The following HACE1 variants were observed in gnomAD, a reference collection of about 807,000 sequenced individuals.
HACE1 encodes the protein HECT domain and ankyrin repeat containing E3 ubiquitin protein ligase 1, also known as E3 ubiquitin-protein ligase HACE1.
HACE1 carries 73 observed loss-of-function variants against 118.4 expected under a neutral mutation model. The ratio of observed to expected loss-of-function variants is 0.62; its 90% CI spans 0.51 to 0.75. The LOEUF (loss-of-function observed/expected upper bound fraction) is 0.75. Among genes scored for constraint, HACE1 ranks in the 30% least tolerant of loss-of-function variants. The pLI is 0.00. For missense variants in HACE1, 749 were observed against 1,102.2 expected (o/e 0.68, Z 4.54); for synonymous variants, 368 against 374.8 (o/e 0.98, Z 0.21).
intron 7 of HACE1, among the ~76,000 whole-genome samples, chr6:104,806,566 G>A (rs1461073709): frequency 6.6e-6 from 1 of 152,126 alleles, no homozygotes; most frequent in Admixed American, 6.6e-5. Flanking sequence ...GGGCTCAAGT[G>A]CCTCACCTGT....
At chr6:104,812,439 C>T (rs1771726209) in intron 6 of HACE1, among the ~76,000 whole-genome samples, 1 of 151,874 alleles carries the variant, frequency 6.6e-6, no homozygotes, top group Non-Finnish European at 1.5e-5. Context: ...AGAAAGACCC[C>T]ATGCCTTAAA....
chr6:104,774,886 T>C (rs894985392), intron 17 of HACE1, among the ~76,000 whole-genome samples: 1 of 152,236 alleles, frequency 6.6e-6, no homozygotes, highest in African/African-American at 2.4e-5. Context: ...ATTATAGATA[T>C]CGGGTCTACC....
intron 19 of HACE1, among the ~76,000 whole-genome samples, chr6:104,756,610 C>T (rs1468861136): frequency 6.6e-6 from 1 of 151,982 alleles, no homozygotes; most frequent in East Asian, 1.9e-4. Flanking sequence ...CTCTGGTCTA[C>T]AGCTCCCAGC....
intron 18 of HACE1, 82 bp from the exon 19 acceptor site, chr6:104,771,471 GAT>G: frequency 1.2e-6 from 1 of 841,952 alleles, no homozygotes; most frequent in Middle Eastern, 2.6e-4. Flanking sequence ...GCCCTCTACA[GAT>G]ATTCTGAAAA....
At chr6:104,805,962 C>T (rs1359604601) in intron 7 of HACE1, among the ~76,000 whole-genome samples, 1 of 151,994 alleles carries the variant, frequency 6.6e-6, no homozygotes, top group East Asian at 1.9e-4. Context: ...ACAGGATGAA[C>T]AGACAAGATC....
At chr6:104,828,589 T>A (rs1034977210) in intron 6 of HACE1, among the ~76,000 whole-genome samples, 2 of 152,016 alleles carry the variant, frequency 1.3e-5, no homozygotes, top group African/African-American at 4.8e-5. Context: ...CATCTGATCA[T>A]TATTAAATAC....
rs546188515 is a variant in HACE1 at position 104,834,883 on chromosome 6, C to T, written c.403-1710G>A. Among the ~76,000 whole-genome samples the T allele has an allele frequency of 3.3e-5, 5 of 152,346 alleles. No individual in the cohort carries two copies. The South Asian group carries it at 1.0e-3, about 32-fold the overall frequency. On this transcript the variant is annotated intron_variant, in intron 5 of 23. Transcript: ENST00000262903. ...GCCTCATATCTCTACCCCTCCCCAA[C>T]TGTGCAAGGCCAGTAATGGCCCCCA...
Position 104,744,136 on chromosome 6 carries a change from TA to T in HACE1, c.2513+23del. ...AGCAGAATACATTAAATTATTTCCA[TA>T]TTATCATAAAAATACTGCTTACCTG... On this transcript the variant is annotated intron_variant, in intron 22 of 23. Transcript: ENST00000262903. The T allele has an allele frequency of 5.2e-6, 7 of 1,333,342 alleles. 1 individual carries two copies. In the South Asian group the frequency reaches 8.2e-5, roughly 16 times the overall value. The allele number at this position is 1,333,342 out of a possible 1,614,324, so 82.6% of individuals were successfully genotyped here. A position where few individuals can be genotyped will look rare whatever the true frequency, so the allele number is the denominator to read the frequency against.
At chr6:104,784,255 G>A (rs1476967469) in intron 13 of HACE1, 82 bp from the exon 14 acceptor site, 1 of 895,232 alleles carries the variant, frequency 1.1e-6, no homozygotes, top group East Asian at 2.4e-5. Context: ...CACTGACACT[G>A]AAACAGAAGA....
Position 104,750,407 on chromosome 6 carries a change from A to G in HACE1, c.2277T>C (p.Ala759=), listed in dbSNP as rs766084047. ...MTRAIQPQIN[A]FLQGFHMFIP... ...TGAACATATGAAAGCCCTGTAAAAA[A>G]GCATTGATCTGAGGCTGAATGGCTC... The change falls in exon 20 of 24, where the codon GCT becomes GCC. Residue 759 remains alanine, a synonymous_variant. Transcript: ENST00000262903. 4 of 1,613,066 alleles carry G rather than the reference A, an allele frequency of 2.5e-6. No homozygotes were observed. In the African/African-American group the frequency reaches 4.0e-5, roughly 16 times the overall value.
At chr6:104,789,228 TA>T (rs1782744853) in intron 11 of HACE1, among the ~76,000 whole-genome samples, 1 of 152,136 alleles carries the variant, frequency 6.6e-6, no homozygotes, top group South Asian at 2.1e-4. Flanking sequence ...GTTTCATTCA[TA>T]AAACTGAATG....
chr6:104,787,016 G>A (rs957822658), intron 11 of HACE1: 1 of 152,096 alleles, frequency 6.6e-6, no homozygotes, highest in African/African-American at 2.4e-5. Context: ...GCCACTTTCA[G>A]CCTTTCTTCA....
At chr6:104,739,685 C>A (rs879532542) in intron 22 of HACE1, among the ~76,000 whole-genome samples, 580 of 150,336 alleles carry the variant, frequency 3.9e-3, no homozygotes, top group Non-Finnish European at 5.3e-3. Flanking sequence ...GAGTGACCTA[C>A]AAAGAGACTT....
intron 7 of HACE1, among the ~76,000 whole-genome samples, chr6:104,801,102 G>C (rs934644042): frequency 1.3e-5 from 2 of 152,214 alleles, no homozygotes; most frequent in African/African-American, 4.8e-5. Context: ...CGATCAAGTG[G>C]AAGAAAGGAT....
At chr6:104,743,847 T>C (rs971118943) in intron 22 of HACE1, among the ~76,000 whole-genome samples, 2 of 151,336 alleles carry the variant, frequency 1.3e-5, no homozygotes, top group Non-Finnish European at 2.9e-5. Flanking sequence ...TAAAATAATA[T>C]ACAAATATTA....
intron 22 of HACE1, among the ~76,000 whole-genome samples, chr6:104,743,324 A>T (rs2114503570): frequency 6.7e-6 from 1 of 150,250 alleles, no homozygotes; most frequent in Non-Finnish European, 1.5e-5. Flanking sequence ...ATAAAAAAAA[A>T]TTATATATAT....
chr6:104,828,644 C>CA (rs955435205), intron 6 of HACE1, among the ~76,000 whole-genome samples: 23 of 151,842 alleles, frequency 1.5e-4, no homozygotes, highest in Non-Finnish European at 2.9e-4. Context: ...GCTACAATGA[C>CA]AAAAAACAGA....
chr6:104,808,514 T>C (rs890740496), intron 7 of HACE1, among the ~76,000 whole-genome samples: 1 of 152,188 alleles, frequency 6.6e-6, no homozygotes, highest in African/African-American at 2.4e-5. Context: ...CTACACAAAC[T>C]AGGTTCTTTC....
intron 6 of HACE1, among the ~76,000 whole-genome samples, chr6:104,830,310 A>G (rs1773730153): frequency 6.6e-6 from 1 of 152,214 alleles, no homozygotes; most frequent in South Asian, 2.1e-4. Context: ...TACGTTTTAA[A>G]TTTAATAATA....
Sources: gnomAD v4.1 joint callset for allele counts (sites outside exome capture counted in the v4.1 genomes callset) on GRCh38, gnomAD v4.1.1 for gene constraint, MANE v1.5 for transcripts, NCBI Gene and HGNC (gene_info 2026-07-23, HGNC 2026-07-21) for gene names.